Variants in COL4A1 observed in about 807,000 individuals in gnomAD.
The protein encoded by COL4A1 is collagen alpha-1(IV) chain.
COL4A1 carries 40 observed loss-of-function variants against 216.6 expected under a neutral mutation model. The observed-to-expected ratio is 0.18, with a 90% CI of 0.14 to 0.24. The LOEUF is 0.24. Among genes scored for constraint, COL4A1 ranks in the 10% least tolerant of loss-of-function variants. The pLI, the probability that COL4A1 is intolerant of heterozygous loss-of-function variation, is 1.00. For synonymous variants in COL4A1, 839 were observed against 810.7 expected (o/e 1.03, Z -0.59); for missense variants, 1,628 against 2,196.8 (o/e 0.74, Z 5.18).
intron 2 of COL4A1, among the ~76,000 whole-genome samples, chr13:110,236,962 G>T (rs2139238932): frequency 6.6e-6 from 1 of 152,302 alleles, no homozygotes; most frequent in African/African-American, 2.4e-5. Context: ...ACACACAGGG[G>T]CTCGCTGTGG....
intron 45 of COL4A1, among the ~76,000 whole-genome samples, chr13:110,165,509 AG>A (rs1400335999): frequency 6.6e-6 from 1 of 151,898 alleles, no homozygotes; most frequent in African/African-American, 2.4e-5. Context: ...AGTTCCCCTC[AG>A]CCTCCCCGTT....
chr13:110,282,300 A>G (rs1883663068), intron 1 of COL4A1, among the ~76,000 whole-genome samples: 2 of 152,172 alleles, frequency 1.3e-5, no homozygotes, highest in African/African-American at 4.8e-5. Context: ...TCACACTGTC[A>G]TTGCGCAGAC....
chr13:110,221,176 C>T (rs1207784463), intron 2 of COL4A1, among the ~76,000 whole-genome samples: 1 of 152,128 alleles, frequency 6.6e-6, no homozygotes, highest in Non-Finnish European at 1.5e-5. Context: ...ACTGACAGAG[C>T]TGAACACTCA....
rs140643333 is a variant in COL4A1, at chr13:110,195,863, T to A, written c.1286-745A>T. Among the ~76,000 whole-genome samples, 39 of 152,312 alleles carry A rather than the reference T, an allele frequency of 2.6e-4. No homozygotes were observed. The East Asian group carries it at 6.2e-3, about 24-fold the overall frequency. ...AACCCTAACACTCATGCACCAGCACTGAAGGCCCTCCCCTCTCCCTTACAG... is the reference window on the plus strand; with the variant it reads ...AACCCTAACACTCATGCACCAGCACAGAAGGCCCTCCCCTCTCCCTTACAG... On this transcript the variant is annotated intron_variant, in intron 21 of 51. Coordinates refer to ENST00000375820, the MANE Select transcript of COL4A1 (RefSeq NM_001845.6).
At chr13:110,163,264 A>G (rs1877168959) in intron 47 of COL4A1, among the ~76,000 whole-genome samples, 199 bp downstream of exon 47, 1 of 152,238 alleles carries the variant, frequency 6.6e-6, no homozygotes, top group African/African-American at 2.4e-5. Flanking sequence ...ACTTTGATCA[A>G]TATCTGTCTC....
chr13:110,221,484 G>A (rs1168117505), intron 2 of COL4A1, among the ~76,000 whole-genome samples: 2 of 152,080 alleles, frequency 1.3e-5, no homozygotes, highest in African/African-American at 4.8e-5. Flanking sequence ...ACCATCTGAC[G>A]TCCCCGATCC....
chr13:110,193,191 C>T (rs760272620), intron 22 of COL4A1, among the ~76,000 whole-genome samples: 4 of 152,188 alleles, frequency 2.6e-5, no homozygotes, highest in Admixed American at 6.5e-5. Flanking sequence ...CTTCTCCCAG[C>T]GAAAAGACAG....
At chr13:110,203,758 A>T in intron 17 of COL4A1, 151 bp from the exon 18 acceptor site, 1 of 820,188 alleles carries the variant, frequency 1.2e-6, no homozygotes, top group African/African-American at 1.7e-5. Flanking sequence ...TTCTGTGACG[A>T]TTACAACAAA....
chr13:110,294,684 T>C (rs1213846441), intron 1 of COL4A1, among the ~76,000 whole-genome samples: 1 of 152,246 alleles, frequency 6.6e-6, no homozygotes, highest in Non-Finnish European at 1.5e-5. Flanking sequence ...ACAACTATTT[T>C]AACAAAGTTG....
At chr13:110,291,656 C>T (rs935249309) in intron 1 of COL4A1, among the ~76,000 whole-genome samples, 3 of 152,296 alleles carry the variant, frequency 2.0e-5, no homozygotes, top group African/African-American at 4.8e-5. Flanking sequence ...CCAAGTACAT[C>T]GCACCTTTTC....
At chr13:110,285,986 G>A (rs570521246) in intron 1 of COL4A1, among the ~76,000 whole-genome samples, 16 of 152,272 alleles carry the variant, frequency 1.1e-4, no homozygotes, top group South Asian at 4.1e-4. Context: ...TCTGGAAATG[G>A]GACCCCGTTT....
At chr13:110,169,103 T>C (rs1279781320) in intron 43 of COL4A1, among the ~76,000 whole-genome samples, 2 of 151,920 alleles carry the variant, frequency 1.3e-5, no homozygotes, top group African/African-American at 4.8e-5. Flanking sequence ...TGAGATGTGC[T>C]CTTCTGAAGG....
At chr13:110,173,294 A>AGAG (rs141262642) in intron 40 of COL4A1, among the ~76,000 whole-genome samples, 10,939 of 151,948 alleles carry the variant, frequency 0.072, 1,260 homozygotes, top group African/African-American at 0.25. Context: ...ATGAAAAGAA[A>AGAG]GCCAGCACCA....
chr13:110,175,499 G>A (rs1211689512), intron 36 of COL4A1, 142 bp from the exon 37 acceptor site: 1 of 1,425,134 alleles, frequency 7.0e-7, no homozygotes, highest in Admixed American at 2.0e-5. Context: ...ATACAAGAAT[G>A]CACATCCCTC....
intron 17 of COL4A1, among the ~76,000 whole-genome samples, chr13:110,204,586 G>T (rs528519486): frequency 7.8e-4 from 108 of 139,118 alleles, no homozygotes; most frequent in African/African-American, 2.6e-3. Flanking sequence ...TATTAAGAGA[G>T]AAAAATAAAG....
At chr13:110,239,621 G>T (rs925245930) in intron 2 of COL4A1, among the ~76,000 whole-genome samples, 2 of 152,194 alleles carry the variant, frequency 1.3e-5, no homozygotes, top group Non-Finnish European at 2.9e-5. Context: ...TAAACCAGTA[G>T]ATTTGTATTC....
chr13:110,209,017 T>C (rs1879644510), intron 11 of COL4A1, 127 bp from the exon 12 acceptor site: 4 of 1,013,230 alleles, frequency 3.9e-6, no homozygotes, highest in African/African-American at 1.6e-5. Flanking sequence ...ATAACTCTCA[T>C]AAAATTTTCT....
At chr13:110,263,407 A>G (rs1882904064) in intron 1 of COL4A1, among the ~76,000 whole-genome samples, 1 of 152,168 alleles carries the variant, frequency 6.6e-6, no homozygotes, top group South Asian at 2.1e-4. Context: ...TTACAGACCC[A>G]CTTTGAAAGA....
intron 46 of COL4A1, 111 bp downstream of exon 46, chr13:110,164,751 T>TGTC: frequency 6.9e-7 from 1 of 1,448,810 alleles, no homozygotes; most frequent in Non-Finnish European, 9.3e-7. Context: ...TTCATATGTG[T>TGTC]GTGTATAATC....
Sources: gnomAD v4.1 joint callset for allele counts (sites outside exome capture counted in the v4.1 genomes callset) on GRCh38, gnomAD v4.1.1 for gene constraint, MANE v1.5 for transcripts, NCBI Gene and HGNC (gene_info 2026-07-23, HGNC 2026-07-21) for gene names.